Variants in ZFYVE9 observed in about 807,000 individuals in gnomAD.
The protein encoded by ZFYVE9 is zinc finger FYVE domain-containing protein 9.
A neutral mutation model predicts 126.7 loss-of-function variants in ZFYVE9; 43 were observed. The ratio of observed to expected loss-of-function variants is 0.34; its 90% CI spans 0.27 to 0.44. The LOEUF is 0.44. Among genes scored for constraint, ZFYVE9 ranks in the 20% least tolerant of loss-of-function variants. The pLI is 1.00. For missense variants in ZFYVE9, 1,476 were observed against 1,697.0 expected (o/e 0.87, Z 2.29); for synonymous variants, 521 against 597.4 (o/e 0.87, Z 1.87).
At chr1:52,229,969 G>A (rs1353730899) in intron 2 of ZFYVE9, among the ~76,000 whole-genome samples, 2 of 151,360 alleles carry the variant, frequency 1.3e-5, no homozygotes, top group Non-Finnish European at 2.9e-5. Flanking sequence ...CCAGGTTCAC[G>A]CCATTCTCCT....
intron 4 of ZFYVE9, among the ~76,000 whole-genome samples, chr1:52,256,272 T>G (rs1645518387): frequency 6.6e-6 from 1 of 152,116 alleles, no homozygotes; most frequent in African/African-American, 2.4e-5. Flanking sequence ...TTTCACCATG[T>G]TGGTCAGGCT....
At chr1:52,225,048 C>T (rs1165169726) in intron 2 of ZFYVE9, among the ~76,000 whole-genome samples, 1 of 152,192 alleles carries the variant, frequency 6.6e-6, no homozygotes, top group Admixed American at 6.5e-5. Context: ...CCGGACTCCA[C>T]ACTCGCTTCG....
At chr1:52,241,456 C>T (rs1002940438) in intron 4 of ZFYVE9, among the ~76,000 whole-genome samples, 1 of 152,086 alleles carries the variant, frequency 6.6e-6, no homozygotes, top group Admixed American at 6.6e-5. Context: ...CTGTATTTTG[C>T]TTACTGTAAC....
intron 11 of ZFYVE9, among the ~76,000 whole-genome samples, chr1:52,295,150 A>G (rs1389726856): frequency 6.6e-6 from 1 of 152,132 alleles, no homozygotes; most frequent in Non-Finnish European, 1.5e-5. Context: ...GCAGGAGATC[A>G]TGCCACTGCA....
At chr1:52,316,105 C>CCG (rs1646181147) in intron 13 of ZFYVE9, among the ~76,000 whole-genome samples, 1 of 122,220 alleles carries the variant, frequency 8.2e-6, no homozygotes, top group Non-Finnish European at 1.6e-5. Flanking sequence ...GCAGAGGTTG[C>CCG]AGTGAGCCGA....
At chr1:52,271,320 A>G (rs1210677239) in intron 7 of ZFYVE9, among the ~76,000 whole-genome samples, 1 of 152,170 alleles carries the variant, frequency 6.6e-6, no homozygotes, top group African/African-American at 2.4e-5. Flanking sequence ...AGAGAAAGCA[A>G]ACTCTTTAAT....
At chr1:52,225,252 G>A (rs927403027) in intron 2 of ZFYVE9, among the ~76,000 whole-genome samples, 8 of 152,266 alleles carry the variant, frequency 5.3e-5, no homozygotes, top group Middle Eastern at 6.8e-3. Flanking sequence ...CACTTTGGGC[G>A]AGATTCGATC....
At chr1:52,173,114 T>G (rs1277074597) in intron 1 of ZFYVE9, among the ~76,000 whole-genome samples, 1 of 152,024 alleles carries the variant, frequency 6.6e-6, no homozygotes, top group Non-Finnish European at 1.5e-5. Flanking sequence ...TTTTTGCCCA[T>G]TCAGTATGAT....
At chr1:52,261,261 G>T (rs11205946) in intron 4 of ZFYVE9, among the ~76,000 whole-genome samples, 1 of 125,672 alleles carries the variant, frequency 8.0e-6, no homozygotes, top group Non-Finnish European at 1.7e-5. Flanking sequence ...GGGTTTTGCT[G>T]TGTTACCCAG....
chr1:52,319,253 C>T (rs1383672605), intron 13 of ZFYVE9, among the ~76,000 whole-genome samples: 1 of 152,162 alleles, frequency 6.6e-6, no homozygotes, highest in African/African-American at 2.4e-5. Flanking sequence ...AGACTCAGTA[C>T]TGTTAAGATT....
At position 52,288,686 on chromosome 1, in the gene ZFYVE9, C is replaced by T. The variant is rs1383255830; in HGVS notation, c.3026-4767C>T. ...CTGTAATCCCAACACTTTGGGAAGC[C>T]GAGGCAGGCAGGCAGATCACTTGAG... On this transcript the variant is annotated intron_variant, in intron 10 of 18. Coordinates refer to ENST00000287727, the MANE Select transcript of ZFYVE9 (RefSeq NM_004799.4). Among the ~76,000 whole-genome samples, 6 of 151,924 alleles carry T rather than the reference C, an allele frequency of 3.9e-5. No homozygotes were observed. In the South Asian group the frequency reaches 8.3e-4, roughly 21 times the overall value.
intron 4 of ZFYVE9, among the ~76,000 whole-genome samples, chr1:52,262,948 C>T (rs1027280663): frequency 1.3e-5 from 2 of 151,812 alleles, no homozygotes; most frequent in Admixed American, 6.6e-5. Flanking sequence ...TGGTGGCTTA[C>T]ACCTGAAGTC....
chr1:52,276,284 G>A lies in ZFYVE9; in HGVS notation c.2746+1700G>A, dbSNP rs79144499. On this transcript the variant is annotated intron_variant, in intron 8 of 18. Coordinates refer to ENST00000287727, the MANE Select transcript of ZFYVE9 (RefSeq NM_004799.4). ...CAACTTTATTTCCAGCTATTCCCCA[G>A]CACCTTACATGTATACTGCAGATTA... Among the ~76,000 whole-genome samples, 597 of 152,126 alleles carry A rather than the reference G, an allele frequency of 3.9e-3. 13 individuals carry two copies. The South Asian group carries it at 0.044, about 11-fold the overall frequency.
At chr1:52,327,881 G>A (rs1334027837) in intron 13 of ZFYVE9, among the ~76,000 whole-genome samples, 2 of 151,644 alleles carry the variant, frequency 1.3e-5, no homozygotes, top group Non-Finnish European at 2.9e-5. Flanking sequence ...TGCTGAGGAA[G>A]GAGAATCGCG....
chr1:52,329,246 G>A (rs56008445), intron 13 of ZFYVE9, among the ~76,000 whole-genome samples: 3 of 152,166 alleles, frequency 2.0e-5, no homozygotes, highest in African/African-American at 7.2e-5. Flanking sequence ...ATAGCCCTTC[G>A]TGGATGTTCT....
At chr1:52,219,213 G>A (rs1645100129) in intron 2 of ZFYVE9, among the ~76,000 whole-genome samples, 1 of 152,124 alleles carries the variant, frequency 6.6e-6, no homozygotes, top group African/African-American at 2.4e-5. Context: ...TGACTATGGA[G>A]GTTTCCACAG....
chr1:52,272,281 A>AAC (rs1322056667), intron 7 of ZFYVE9, among the ~76,000 whole-genome samples: 7 of 152,244 alleles, frequency 4.6e-5, no homozygotes, highest in Non-Finnish European at 8.8e-5. Flanking sequence ...TACACACACA[A>AAC]ACACACACAC....
intron 10 of ZFYVE9, among the ~76,000 whole-genome samples, chr1:52,293,248 G>A (rs1013755144): frequency 2.0e-5 from 3 of 151,650 alleles, no homozygotes; most frequent in Admixed American, 6.6e-5. Context: ...GTCTGGTGGC[G>A]GGCACCTGTA....
chr1:52,171,439 G>A (rs943379840), intron 1 of ZFYVE9, among the ~76,000 whole-genome samples: 1 of 152,166 alleles, frequency 6.6e-6, no homozygotes, highest in Non-Finnish European at 1.5e-5. Context: ...TTGCTATTGT[G>A]AATAGTGCCG....
Sources: gnomAD v4.1 joint callset for allele counts (sites outside exome capture counted in the v4.1 genomes callset) on GRCh38, gnomAD v4.1.1 for gene constraint, MANE v1.5 for transcripts, NCBI Gene and HGNC (gene_info 2026-07-23, HGNC 2026-07-21) for gene names.